Variants in FAT3 observed in about 807,000 individuals in gnomAD.
The protein encoded by FAT3 is protocadherin Fat 3.
A neutral mutation model predicts 310.2 loss-of-function variants in FAT3; 95 were observed. That is an observed-to-expected ratio of 0.31 (90% confidence interval 0.26 to 0.36). FAT3 has a LOEUF of 0.36. Ranked by LOEUF, FAT3 falls within the 10% of genes least tolerant of loss-of-function variation. The pLI, the probability that FAT3 is intolerant of heterozygous loss-of-function variation, is 1.00. For synonymous variants in FAT3, 2,314 were observed against 2,192.9 expected (o/e 1.06, Z -1.54); for missense variants, 5,408 against 5,715.6 (o/e 0.95, Z 1.74).
At chr11:92,732,676 A>T (rs1197232670) in intron 4 of FAT3, among the ~76,000 whole-genome samples, 2 of 152,244 alleles carry the variant, frequency 1.3e-5, no homozygotes, top group Non-Finnish European at 2.9e-5. Context: ...CATATTTGTT[A>T]CATGGGAATA....
chr11:92,878,201 G>A lies in FAT3; in HGVS notation c.12128-2530G>A, dbSNP rs114739147. Among the ~76,000 whole-genome samples, 970 of 152,168 alleles carry A rather than the reference G, an allele frequency of 6.4e-3. 8 individuals carry two copies. Among genetic ancestry groups the A allele is most frequent in the African/African-American group, 0.022 (924 of 41,518 alleles). ...GAGTAAGCCAGCAGGCTGGAAATTT[G>A]GGTAAAATTTATTCTATGTTACAGT... is the stretch of plus-strand genomic sequence containing the variant. On this transcript the variant is annotated intron_variant, in intron 22 of 27. Coordinates refer to ENST00000525166, the MANE Select transcript of FAT3 (RefSeq NM_001367949.2).
chr11:92,593,618 C>T (rs1162247491), intron 3 of FAT3, among the ~76,000 whole-genome samples: 7 of 151,930 alleles, frequency 4.6e-5, no homozygotes, highest in Non-Finnish European at 1.0e-4. Flanking sequence ...AATCAAGTGC[C>T]CCCTATATCT....
intron 3 of FAT3, among the ~76,000 whole-genome samples, chr11:92,566,268 A>G (rs939155832): frequency 1.3e-5 from 2 of 152,210 alleles, no homozygotes; most frequent in African/African-American, 2.4e-5. Flanking sequence ...CTAAATCATG[A>G]GTGAACTCCC....
chr11:92,533,765 T>C (rs1019796813), intron 3 of FAT3, among the ~76,000 whole-genome samples: 1 of 152,124 alleles, frequency 6.6e-6, no homozygotes, highest in Non-Finnish European at 1.5e-5. Context: ...CCATGCTGCT[T>C]CATGTCCTGC....
At chr11:92,797,321 C>T (rs1947202290) in intron 9 of FAT3, among the ~76,000 whole-genome samples, 2 of 152,158 alleles carry the variant, frequency 1.3e-5, no homozygotes, top group South Asian at 2.1e-4. Flanking sequence ...TTCCATGTAG[C>T]GAAGTTTGCT....
chr11:92,753,750 G>A (rs1945888068), intron 4 of FAT3, among the ~76,000 whole-genome samples: 1 of 150,348 alleles, frequency 6.7e-6, no homozygotes, highest in African/African-American at 2.5e-5. Flanking sequence ...ATATTGAAAA[G>A]AAGTCTTGGA....
chr11:92,796,089 A>T (rs1947165615), intron 9 of FAT3, among the ~76,000 whole-genome samples: 1 of 151,942 alleles, frequency 6.6e-6, no homozygotes, highest in Non-Finnish European at 1.5e-5. Context: ...AGTAGCATTC[A>T]TCAGTCAGGG....
chr11:92,456,154 G>T (rs774089126), intron 2 of FAT3, among the ~76,000 whole-genome samples: 1 of 152,064 alleles, frequency 6.6e-6, no homozygotes, highest in Non-Finnish European at 1.5e-5. Context: ...TGACTACTTC[G>T]TTTCTTCCAA....
chr11:92,861,281 A>G lies in FAT3; in HGVS notation c.11658+1959A>G, dbSNP rs148227863. Among the ~76,000 whole-genome samples, 216 of 152,316 alleles carry G rather than the reference A, an allele frequency of 1.4e-3. 1 individual carries two copies. The highest frequency in any genetic ancestry group is 5.0e-3 in the African/African-American group (207 of 41,566). On this transcript the variant is annotated intron_variant, in intron 21 of 27. Transcript: ENST00000525166. ...GGGCTGGTGGTTGAAAATAGTTTCT[A>G]TTAGTAAATCTCTTATAGAGCATTA... is the stretch of plus-strand genomic sequence containing the variant.
intron 2 of FAT3, among the ~76,000 whole-genome samples, chr11:92,452,627 T>C (rs1474873558): frequency 6.6e-6 from 1 of 152,158 alleles, no homozygotes; most frequent in Non-Finnish European, 1.5e-5. Flanking sequence ...TGACCTTATA[T>C]ACCGTGATTC....
intron 3 of FAT3, among the ~76,000 whole-genome samples, chr11:92,565,231 A>G (rs949590231): frequency 7.3e-5 from 11 of 151,684 alleles, no homozygotes; most frequent in African/African-American, 2.7e-4. Flanking sequence ...CGGAAATACA[A>G]ACTACCATCA....
In FAT3 at chr11:92,831,887, C is replaced by T. The variant is rs369214895; in HGVS notation, c.9747C>T (p.Thr3249=). 22 of 1,612,862 alleles carry T rather than the reference C, an allele frequency of 1.4e-5. No individual in the cohort carries two copies. The highest frequency in any genetic ancestry group is 1.9e-5 in the Non-Finnish European group (22 of 1,179,532). The change falls in exon 14 of 28, where the codon ACC becomes ACT. Residue 3249 remains threonine, a synonymous_variant. Coordinates refer to ENST00000525166, the MANE Select transcript of FAT3 (RefSeq NM_001367949.2). ...RDYLVTVPED[T]SPGTQVLAVF... Reference sequence around the variant, plus strand: ...ACCTGGTGACGGTGCCTGAGGACACCTCCCCTGGCACCCAAGTCCTTGCTG... The same window carrying T: ...ACCTGGTGACGGTGCCTGAGGACACTTCCCCTGGCACCCAAGTCCTTGCTG...
chr11:92,354,680 A>G lies in FAT3; in HGVS notation c.2568A>G (p.Arg856=). The stretch of plus-strand genomic sequence containing the variant: ...CTGAAATCATTCAAGTGGAAGCCAG[A>G]GACAAAGACTTAGGTTCTAATGGTG... ...IGTEIIQVEA[R]DKDLGSNGEV... Residue 856 remains arginine, a synonymous_variant, in exon 2 of 28, where the codon AGA becomes AGG. Coordinates refer to ENST00000525166, the MANE Select transcript of FAT3 (RefSeq NM_001367949.2). The G allele has an allele frequency of 6.2e-7, 1 of 1,613,884 alleles. No homozygotes were observed. Among genetic ancestry groups the G allele is most frequent in the Non-Finnish European group, 8.5e-7 (1 of 1,179,864 alleles).
rs1324990150 is a variant in FAT3, at chr11:92,306,338, G to C, written c.-17-45758G>C. 7.3e-5 allele frequency among the ~76,000 whole-genome samples: 11 copies of C among 150,558 alleles called. No individual in the cohort carries two copies. In the Admixed American group the frequency reaches 7.4e-4, roughly 10 times the overall value. ...CTGTGGAATACTGGGGGTGCTCTTA[G>C]TAGAGTCCATAGTGGTGCTCTTAGT... On this transcript the variant is annotated intron_variant, in intron 1 of 27. Transcript: ENST00000525166.
intron 1 of FAT3, among the ~76,000 whole-genome samples, chr11:92,264,488 G>C (rs927648332): frequency 6.6e-6 from 1 of 152,170 alleles, no homozygotes; most frequent in Admixed American, 6.6e-5. Context: ...TTGCCTTGTA[G>C]AGCAAACTGT....
At chr11:92,501,319 G>C (rs1016080823) in intron 2 of FAT3, among the ~76,000 whole-genome samples, 2 of 152,048 alleles carry the variant, frequency 1.3e-5, no homozygotes, top group African/African-American at 4.8e-5. Context: ...TTGTGGTCTA[G>C]GTCAGCAAAT....
At chr11:92,462,408 TGA>T (rs1010218560) in intron 2 of FAT3, among the ~76,000 whole-genome samples, 7 of 152,140 alleles carry the variant, frequency 4.6e-5, no homozygotes, top group African/African-American at 1.7e-4. Flanking sequence ...CACTTCTAAG[TGA>T]GAACATGTGG....
chr11:92,593,522 A>G (rs1446211236), intron 3 of FAT3, among the ~76,000 whole-genome samples: 2 of 151,852 alleles, frequency 1.3e-5, no homozygotes, highest in Non-Finnish European at 2.9e-5. Context: ...TGATTGAAAG[A>G]TCCTGAGCTA....
chr11:92,270,641 G>A (rs941437904), intron 1 of FAT3, among the ~76,000 whole-genome samples: 3 of 152,042 alleles, frequency 2.0e-5, no homozygotes, highest in South Asian at 2.1e-4. Flanking sequence ...AGCCGAGATC[G>A]TGCCATTGCT....
Sources: allele counts gnomAD v4.1 joint callset (sites outside exome capture counted in the v4.1 genomes callset), GRCh38; gene constraint gnomAD v4.1.1; transcripts MANE v1.5; gene names NCBI Gene and HGNC (gene_info 2026-07-23, HGNC 2026-07-21).